Variants in KCNG3 observed in about 807,000 individuals in gnomAD.
The protein encoded by KCNG3 is voltage-gated potassium channel regulatory subunit KCNG3.
A neutral mutation model predicts 29.0 loss-of-function variants in KCNG3; 15 were observed. The observed-to-expected ratio is 0.52, with a 90% CI of 0.35 to 0.80. The LOEUF is 0.80. Among genes scored for constraint, KCNG3 ranks in the 30% least tolerant of loss-of-function variants. The probability of loss-of-function intolerance (pLI) is 0.01; values close to 1 mark genes in which losing one functional copy is unlikely to be tolerated. For synonymous variants in KCNG3, 322 were observed against 248.9 expected (o/e 1.29, Z -2.76); for missense variants, 512 against 605.7 (o/e 0.85, Z 1.62).
chr2:42,476,486 TA>T (rs201173618), intron 1 of KCNG3, among the ~76,000 whole-genome samples: 2 of 148,732 alleles, frequency 1.3e-5, no homozygotes, highest in Non-Finnish European at 3.0e-5. Context: ...AATAAAAATT[TA>T]AAAAAAAAAA....
At chr2:42,461,366 T>C (rs970766644) in intron 1 of KCNG3, among the ~76,000 whole-genome samples, 3 of 152,000 alleles carry the variant, frequency 2.0e-5, no homozygotes, top group African/African-American at 7.3e-5. Flanking sequence ...GTGTGCGCCT[T>C]GCCTGAGGCT....
intron 1 of KCNG3, 83 bp downstream of exon 1, chr2:42,492,754 G>T: frequency 1.6e-6 from 2 of 1,272,034 alleles, no homozygotes; most frequent in South Asian, 2.2e-5. Context: ...CCCGGAGGCG[G>T]ACAGGACGGA....
chr2:42,403,476 T>TG, the KCNG3 span, among the ~76,000 whole-genome samples: 1 of 122,466 alleles, frequency 8.2e-6, no homozygotes, highest in African/African-American at 3.4e-5. Flanking sequence ...ATTTCTTTTC[T>TG]GTTTTTTTTT....
At chr2:42,409,532 G>C in the KCNG3 span, among the ~76,000 whole-genome samples, 1 of 151,286 alleles carries the variant, frequency 6.6e-6, no homozygotes, top group South Asian at 2.1e-4. Context: ...GGTGAAACCT[G>C]TCTCTACAAA....
At chr2:42,416,407 T>C in the KCNG3 span, among the ~76,000 whole-genome samples, 62 of 152,034 alleles carry the variant, frequency 4.1e-4, no homozygotes, top group Non-Finnish European at 6.8e-4. Context: ...TGCCCAGAAG[T>C]TCAAGGTCAG....
chr2:42,417,905 C>T, the KCNG3 span, among the ~76,000 whole-genome samples: 1 of 151,508 alleles, frequency 6.6e-6, no homozygotes, highest in Non-Finnish European at 1.5e-5. Flanking sequence ...CCAGGAGGTG[C>T]GGGTTGCAGT....
chr2:42,390,500 TG>T, the KCNG3 span, among the ~76,000 whole-genome samples: 11 of 152,122 alleles, frequency 7.2e-5, no homozygotes, highest in Admixed American at 7.2e-4. Context: ...TCCTGATTGC[TG>T]CATGACCCAA....
chr2:42,465,418 T>A (rs990246780), intron 1 of KCNG3, among the ~76,000 whole-genome samples: 1 of 151,936 alleles, frequency 6.6e-6, no homozygotes. Flanking sequence ...GATTTCACCA[T>A]GTTGCCCAGG....
intron 1 of KCNG3, among the ~76,000 whole-genome samples, chr2:42,490,601 A>G (rs751328418): frequency 6.6e-6 from 1 of 152,048 alleles, no homozygotes; most frequent in Non-Finnish European, 1.5e-5. Context: ...CTTGACACCA[A>G]CTTTTCTTTA....
At chr2:42,395,301 A>G in the KCNG3 span, among the ~76,000 whole-genome samples, 1 of 152,226 alleles carries the variant, frequency 6.6e-6, no homozygotes, top group Non-Finnish European at 1.5e-5. Context: ...GCAGGTGGAA[A>G]AAAAACACAC....
the KCNG3 span, among the ~76,000 whole-genome samples, chr2:42,435,942 G>C: frequency 1.7e-4 from 26 of 152,182 alleles, no homozygotes; most frequent in African/African-American, 6.0e-4. Flanking sequence ...GTACATGAAT[G>C]TCATAGCAGC....
At chr2:42,391,633 C>T in the KCNG3 span, among the ~76,000 whole-genome samples, 2 of 115,100 alleles carry the variant, frequency 1.7e-5, no homozygotes, top group East Asian at 2.6e-4. Flanking sequence ...GACGGAGTCT[C>T]GCTCTGTCGC....
the KCNG3 span, among the ~76,000 whole-genome samples, chr2:42,405,433 T>G: frequency 6.6e-6 from 1 of 152,062 alleles, no homozygotes; most frequent in Non-Finnish European, 1.5e-5. Context: ...TTTTTGTTCA[T>G]TCTGCAGCAT....
chr2:42,431,380 T>A, the KCNG3 span, among the ~76,000 whole-genome samples: 2 of 152,094 alleles, frequency 1.3e-5, no homozygotes, highest in Non-Finnish European at 1.5e-5. Flanking sequence ...AAATCTTGAA[T>A]CATAACTCCG....
intron 1 of KCNG3, among the ~76,000 whole-genome samples, chr2:42,475,713 C>T (rs1673406914): frequency 6.6e-6 from 1 of 151,456 alleles, no homozygotes; most frequent in Admixed American, 6.6e-5. Flanking sequence ...AGTTACCACT[C>T]CAAGTATTAA....
chr2:42,408,451 G>A, the KCNG3 span, among the ~76,000 whole-genome samples: 1 of 152,164 alleles, frequency 6.6e-6, no homozygotes, highest in Non-Finnish European at 1.5e-5. Flanking sequence ...ACCTCAGGAT[G>A]ACCAGCTGCA....
the KCNG3 span, among the ~76,000 whole-genome samples, chr2:42,429,805 G>A: frequency 6.6e-6 from 1 of 152,158 alleles, no homozygotes; most frequent in Non-Finnish European, 1.5e-5. Context: ...GAATCAACCA[G>A]TGGACCTCGA....
the KCNG3 span, among the ~76,000 whole-genome samples, chr2:42,434,686 A>C: frequency 6.7e-6 from 1 of 148,484 alleles, no homozygotes; most frequent in Non-Finnish European, 1.5e-5. Flanking sequence ...AAAAAAAAAA[A>C]AAAAAAGGTA....
At chr2:42,433,330 G>A in the KCNG3 span, among the ~76,000 whole-genome samples, 5 of 152,320 alleles carry the variant, frequency 3.3e-5, no homozygotes, top group Admixed American at 3.3e-4. Flanking sequence ...AATAGCTAGA[G>A]AACAGGTAAA....
Sources: allele counts gnomAD v4.1 joint callset (sites outside exome capture counted in the v4.1 genomes callset), GRCh38; gene constraint gnomAD v4.1.1; transcripts MANE v1.5; gene names NCBI Gene and HGNC (gene_info 2026-07-23, HGNC 2026-07-21).